Variants in UBP1 observed in about 807,000 individuals in gnomAD.
UBP1 encodes the protein upstream-binding protein 1.
Under a neutral mutation model 76.1 loss-of-function variants are expected in UBP1, and 22 were observed. That is an observed-to-expected ratio of 0.29 (90% CI 0.21 to 0.41). The LOEUF is 0.41. Ranked by LOEUF, UBP1 falls within the 10% of genes least tolerant of loss-of-function variation. The probability of loss-of-function intolerance (pLI) is 1.00; values close to 1 mark genes in which losing one functional copy is unlikely to be tolerated. For missense variants in UBP1, 436 were observed against 668.1 expected (o/e 0.65, Z 3.83); for synonymous variants, 224 against 237.1 (o/e 0.94, Z 0.51).
Position 33,416,850 on chromosome 3 carries a change from G to C in UBP1, c.266-16C>G, listed in dbSNP as rs761387392. ...TATGACTGACCTATTTAAAGAAATT[G>C]TGTATAAAAAACAATCCTTATAAAG... On this transcript the variant is annotated splice_polypyrimidine_tract_variant and intron_variant, in intron 2 of 15. Coordinates refer to ENST00000283629, the MANE Select transcript of UBP1 (RefSeq NM_014517.5). The C allele has an allele frequency of 1.2e-6, 2 of 1,605,692 alleles. No individual in the cohort carries two copies. Among genetic ancestry groups the C allele is most frequent in the East Asian group, 4.5e-5 (2 of 44,720 alleles).
intron 2 of UBP1, among the ~76,000 whole-genome samples, chr3:33,421,456 G>A (rs1033301928): frequency 6.6e-6 from 1 of 152,134 alleles, no homozygotes; most frequent in African/African-American, 2.4e-5. Flanking sequence ...ATTTTCAGTA[G>A]AGATGGTTTC....
At chr3:33,414,395 CAT>C (rs759263188) in intron 3 of UBP1, among the ~76,000 whole-genome samples, 4 of 152,020 alleles carry the variant, frequency 2.6e-5, no homozygotes, top group Non-Finnish European at 4.4e-5. Context: ...GAACTAGCAA[CAT>C]GTGATGGGGC....
chr3:33,403,484 ATC>A (rs1559675045), intron 8 of UBP1: 3 of 32,734 alleles, frequency 9.2e-5, no homozygotes, highest in Non-Finnish European at 2.2e-4. Context: ...TACTACATCT[ATC>A]TCTATCTATC....
At chr3:33,401,637 T>C (rs2044233055) in intron 9 of UBP1, among the ~76,000 whole-genome samples, 2 of 152,190 alleles carry the variant, frequency 1.3e-5, no homozygotes, top group South Asian at 2.1e-4. Context: ...CGTGCCTCAA[T>C]TGCTTAGGTT....
At chr3:33,432,096 G>C (rs2045124013) in intron 1 of UBP1, among the ~76,000 whole-genome samples, 1 of 152,182 alleles carries the variant, frequency 6.6e-6, no homozygotes, top group African/African-American at 2.4e-5. Flanking sequence ...GGGAGGCCGA[G>C]ACAGGCGGAC....
chr3:33,392,710 C>A, intron 14 of UBP1, 96 bp from the exon 15 acceptor site: 1 of 1,218,368 alleles, frequency 8.2e-7, no homozygotes, highest in Non-Finnish European at 1.2e-6. Flanking sequence ...CAAACAAACA[C>A]AGGACTCAAT....
chr3:33,428,573 C>A (rs1326941361), intron 1 of UBP1, among the ~76,000 whole-genome samples: 2 of 152,006 alleles, frequency 1.3e-5, no homozygotes, highest in African/African-American at 2.4e-5. Flanking sequence ...ATGATCCACA[C>A]AGAAAATACT....
chr3:33,393,654 T>TTGGCTGC (rs2043856193), intron 13 of UBP1, among the ~76,000 whole-genome samples, 200 bp from the exon 14 acceptor site: 1 of 152,224 alleles, frequency 6.6e-6, no homozygotes, highest in African/African-American at 2.4e-5. Flanking sequence ...AACGTAAGAA[T>TTGGCTGC]ACATTATTTA....
intron 1 of UBP1, among the ~76,000 whole-genome samples, chr3:33,438,344 G>A (rs1052878255): frequency 6.6e-6 from 1 of 152,164 alleles, no homozygotes; most frequent in Non-Finnish European, 1.5e-5. Flanking sequence ...CTTGCTTCAC[G>A]TGCCTCCTTT....
rs374352927 is a variant in UBP1, at chr3:33,434,448, C to T, written c.113+5288G>A. ...CAGTAGCTGCGATTACACGCATGCG[C>T]TACCATGCCCAGCTAATTTTGTAAG... On this transcript the variant is annotated intron_variant, in intron 1 of 15. Transcript: ENST00000283629. 5.4e-4 allele frequency among the ~76,000 whole-genome samples: 82 copies of T among 151,524 alleles called. 1 individual carries two copies. Among genetic ancestry groups the T allele is most frequent in the African/African-American group, 1.9e-3 (78 of 41,328 alleles).
Position 33,411,632 on chromosome 3 carries a change from A to G in UBP1, c.504T>C (p.Asn168=), listed in dbSNP as rs1360456709. The change falls in exon 5 of 16, where the codon AAT becomes AAC. Residue 168 remains asparagine (N), a synonymous_variant. Coordinates refer to ENST00000283629, the MANE Select transcript of UBP1 (RefSeq NM_014517.5). ...CTGGGTCCCACAGAAATTCAACCGCATTTAACTGGCTTGGATTCGTCCTTG... is the reference window on the plus strand; with the variant it reads ...CTGGGTCCCACAGAAATTCAACCGCGTTTAACTGGCTTGGATTCGTCCTTG... ...IDTRTNPSQL[N]AVEFLWDPAK... 1 of 1,614,210 alleles carries G rather than the reference A, an allele frequency of 6.2e-7. No individual in the cohort carries two copies. The highest frequency in any genetic ancestry group is 1.7e-5 in the Admixed American group (1 of 60,030).
chr3:33,413,416 G>A (rs2044642841), intron 3 of UBP1, among the ~76,000 whole-genome samples: 1 of 151,798 alleles, frequency 6.6e-6, no homozygotes, highest in South Asian at 2.1e-4. Flanking sequence ...GCATGGTGGT[G>A]GGCGCCTGTA....
At position 33,437,820 on chromosome 3, in the gene UBP1, T is replaced by G. The variant is rs186076581; in HGVS notation, c.113+1916A>C. Among the ~76,000 whole-genome samples, 18 of 152,332 alleles carry G rather than the reference T, an allele frequency of 1.2e-4. No homozygotes were observed. In the East Asian group the frequency reaches 2.9e-3, roughly 24 times the overall value. On this transcript the variant is annotated intron_variant, in intron 1 of 15. Coordinates refer to ENST00000283629, the MANE Select transcript of UBP1 (RefSeq NM_014517.5). ...GCAGCAGCTAACGCCTTCTTCAGAT[T>G]TTCTCCTTATCGAGTCAATTTTGGA...
intron 8 of UBP1, among the ~76,000 whole-genome samples, chr3:33,407,378 A>T (rs1477213264): frequency 1.3e-5 from 2 of 152,182 alleles, no homozygotes; most frequent in Non-Finnish European, 2.9e-5. Context: ...AATGGTTTAT[A>T]ACAGGAGAGG....
intron 8 of UBP1, among the ~76,000 whole-genome samples, chr3:33,406,048 A>T (rs1314799718): frequency 6.6e-6 from 1 of 152,220 alleles, no homozygotes; most frequent in Non-Finnish European, 1.5e-5. Flanking sequence ...CTTTGAATAA[A>T]CTTATTGCAT....
At chr3:33,394,817 GTTTTT>G (rs76142927) in intron 13 of UBP1, among the ~76,000 whole-genome samples, 26 of 110,428 alleles carry the variant, frequency 2.4e-4, no homozygotes, top group African/African-American at 6.4e-4. Flanking sequence ...CCCTCCACTT[GTTTTT>G]TTTTTTTTTT....
At chr3:33,408,483 G>GT (rs2044489481) in intron 8 of UBP1, among the ~76,000 whole-genome samples, 1 of 152,024 alleles carries the variant, frequency 6.6e-6, no homozygotes, top group African/African-American at 2.4e-5. Context: ...GGTCAACATT[G>GT]TTTTTTGCTT....
chr3:33,420,874 C>T lies in UBP1; in HGVS notation c.266-4040G>A, dbSNP rs1033411770. Among the ~76,000 whole-genome samples, 4 of 152,140 alleles carry T rather than the reference C, an allele frequency of 2.6e-5. No homozygotes were observed. The East Asian group carries it at 5.8e-4, about 22-fold the overall frequency. ...CCAACCTCAGATGATCCACCCTCTT[C>T]GGCCTCCCAAAAATGCTGGGATTAC... On this transcript the variant is annotated intron_variant, in intron 2 of 15. Coordinates refer to ENST00000283629, the MANE Select transcript of UBP1 (RefSeq NM_014517.5).
intron 2 of UBP1, among the ~76,000 whole-genome samples, chr3:33,419,640 A>T (rs2044833896): frequency 6.6e-6 from 1 of 151,914 alleles, no homozygotes. Context: ...AAAAAAAAAA[A>T]AAAACCAGAA....
Sources: gnomAD v4.1 joint callset for allele counts (sites outside exome capture counted in the v4.1 genomes callset) on GRCh38, gnomAD v4.1.1 for gene constraint, MANE v1.5 for transcripts, NCBI Gene and HGNC (gene_info 2026-07-23, HGNC 2026-07-21) for gene names.